TANC2: variants seen among roughly 807,000 people sequenced by gnomAD.
The protein encoded by TANC2 is protein TANC2.
A neutral mutation model predicts 210.5 loss-of-function variants in TANC2; 26 were observed. The observed-to-expected ratio is 0.12, with a 90% confidence interval of 0.09 to 0.17. The LOEUF (loss-of-function observed/expected upper bound fraction) is 0.17. TANC2 is among the 10% of genes least tolerant of loss of function. The pLI, the probability that TANC2 is intolerant of heterozygous loss-of-function variation, is 1.00. For missense variants in TANC2, 2,129 were observed against 2,608.9 expected, an observed-to-expected ratio of 0.82 and a Z score of 4.01; for synonymous variants, 931 against 967.1, an observed-to-expected ratio of 0.96 and a Z score of 0.69.
At chr17:63,120,981 T>C (rs2038453305) in intron 4 of TANC2, among the ~76,000 whole-genome samples, 1 of 152,124 alleles carries the variant, frequency 6.6e-6, no homozygotes, top group Non-Finnish European at 1.5e-5. Flanking sequence ...TTTCCCCTGG[T>C]TTTCACTAAC....
intron 8 of TANC2, among the ~76,000 whole-genome samples, chr17:63,249,725 CT>C (rs2043005701): frequency 6.6e-6 from 1 of 152,098 alleles, no homozygotes; most frequent in South Asian, 2.1e-4. Context: ...CAAAAATGGG[CT>C]TTTCAGCAGT....
intron 11 of TANC2, among the ~76,000 whole-genome samples, chr17:63,338,200 C>T (rs548252459): frequency 1.3e-5 from 2 of 152,160 alleles, no homozygotes; most frequent in Admixed American, 1.3e-4. Flanking sequence ...CTACACTTTT[C>T]AACAATGATT....
intron 14 of TANC2, among the ~76,000 whole-genome samples, chr17:63,372,666 A>G (rs952781905): frequency 6.6e-6 from 1 of 152,188 alleles, no homozygotes; most frequent in Non-Finnish European, 1.5e-5. Flanking sequence ...CCTAGGTTAT[A>G]AAGTGTGTAA....
At chr17:63,098,481 T>C (rs9911299) in intron 3 of TANC2, among the ~76,000 whole-genome samples, 2,470 of 49,708 alleles carry the variant, frequency 0.05, 110 homozygotes, top group Middle Eastern at 0.087. Flanking sequence ...CACACACACA[T>C]ACACTCTCTC....
chr17:62,996,147 T>C (rs983842953), intron 1 of TANC2, among the ~76,000 whole-genome samples: 1 of 152,216 alleles, frequency 6.6e-6, no homozygotes, highest in African/African-American at 2.4e-5. Flanking sequence ...ACAGAGTTTT[T>C]ACGTTTTCCA....
At chr17:63,105,891 A>G (rs2037805078) in intron 4 of TANC2, among the ~76,000 whole-genome samples, 1 of 151,694 alleles carries the variant, frequency 6.6e-6, no homozygotes, top group African/African-American at 2.4e-5. Context: ...AGATTAAAAA[A>G]TATAGGAGAC....
chr17:63,300,908 G>A (rs2044691750), intron 9 of TANC2, among the ~76,000 whole-genome samples: 2 of 152,192 alleles, frequency 1.3e-5, no homozygotes, highest in Admixed American at 6.5e-5. Flanking sequence ...GATATCAGCT[G>A]TGGGTTTGTC....
intron 12 of TANC2, among the ~76,000 whole-genome samples, chr17:63,341,410 C>A (rs1465795410): frequency 1.3e-5 from 2 of 152,212 alleles, no homozygotes; most frequent in African/African-American, 4.8e-5. Flanking sequence ...CCACTTGGCT[C>A]AATTGTTTCT....
chr17:63,293,842 C>T (rs1421830235), intron 9 of TANC2, among the ~76,000 whole-genome samples: 5 of 151,802 alleles, frequency 3.3e-5, no homozygotes, highest in Non-Finnish European at 7.4e-5. Context: ...TGGACTCAAG[C>T]TATCCTCCCA....
intron 9 of TANC2, among the ~76,000 whole-genome samples, chr17:63,283,996 T>A (rs2044143591): frequency 1.3e-5 from 2 of 151,958 alleles, no homozygotes; most frequent in African/African-American, 2.4e-5. Flanking sequence ...ACTAGTACAA[T>A]GTTGAGTAGA....
At chr17:63,104,057 C>T (rs771256304) in intron 4 of TANC2, among the ~76,000 whole-genome samples, 4 of 151,840 alleles carry the variant, frequency 2.6e-5, no homozygotes, top group South Asian at 2.1e-4. Flanking sequence ...ATAGCTCATC[C>T]GGAGCATCTA....
At chr17:63,090,404 T>A (rs2037140945) in intron 3 of TANC2, among the ~76,000 whole-genome samples, 1 of 152,022 alleles carries the variant, frequency 6.6e-6, no homozygotes, top group Admixed American at 6.5e-5. Context: ...GATGTTCCCC[T>A]TCCTGTGTCC....
chr17:63,403,159 A>T (rs1158523032), intron 19 of TANC2, among the ~76,000 whole-genome samples: 1 of 152,222 alleles, frequency 6.6e-6, no homozygotes, highest in Non-Finnish European at 1.5e-5. Context: ...CCAGATGGTC[A>T]CTGGTTGTGA....
At chr17:63,368,055 CAGG>C (rs913399849) in intron 14 of TANC2, among the ~76,000 whole-genome samples, 1 of 152,120 alleles carries the variant, frequency 6.6e-6, no homozygotes, top group South Asian at 2.1e-4. Flanking sequence ...AGACCTATAA[CAGG>C]AGAATAGAGA....
At chr17:63,202,677 CT>C (rs1003589002) in intron 7 of TANC2, among the ~76,000 whole-genome samples, 7 of 152,054 alleles carry the variant, frequency 4.6e-5, no homozygotes, top group Non-Finnish European at 7.4e-5. Context: ...CTCTATCGCT[CT>C]GGGCCCCAGG....
At chr17:63,292,823 C>G (rs2044421109) in intron 9 of TANC2, among the ~76,000 whole-genome samples, 1 of 152,130 alleles carries the variant, frequency 6.6e-6, no homozygotes, top group Non-Finnish European at 1.5e-5. Flanking sequence ...ATTTTATCTC[C>G]ATGGTATCAT....
intron 8 of TANC2, among the ~76,000 whole-genome samples, chr17:63,244,333 G>C (rs530142806): frequency 9.2e-5 from 14 of 152,140 alleles, no homozygotes; most frequent in Non-Finnish European, 1.9e-4. Flanking sequence ...TTTGTCTTCA[G>C]GATTGTACTG....
intron 9 of TANC2, among the ~76,000 whole-genome samples, chr17:63,293,289 G>A (rs2044436542): frequency 6.6e-6 from 1 of 152,124 alleles, no homozygotes; most frequent in Non-Finnish European, 1.5e-5. Flanking sequence ...CTTTTGTTTG[G>A]TGCTAATGTG....
intron 5 of TANC2, among the ~76,000 whole-genome samples, chr17:63,159,512 C>T (rs2039951681): frequency 1.3e-5 from 2 of 152,038 alleles, no homozygotes; most frequent in Admixed American, 1.3e-4. Context: ...AATCTTTTTA[C>T]ATACAGTTGG....
Sources: gnomAD v4.1 joint callset for allele counts (sites outside exome capture counted in the v4.1 genomes callset) on GRCh38, gnomAD v4.1.1 for gene constraint, MANE v1.5 for transcripts, NCBI Gene and HGNC (gene_info 2026-07-23, HGNC 2026-07-21) for gene names.